Variants in STX8 observed in about 807,000 individuals in gnomAD.
STX8 encodes the protein syntaxin-8.
In STX8, 23 loss-of-function variants were observed where a neutral mutation model predicts 37.5. The observed-to-expected ratio is 0.61, with a 90% confidence interval of 0.44 to 0.87. STX8 has a LOEUF of 0.87. Among genes scored for constraint, STX8 ranks in the 40% least tolerant of loss-of-function variants. The pLI, the probability that STX8 is intolerant of heterozygous loss-of-function variation, is 0.00. For missense variants in STX8, 313 were observed against 284.7 expected (o/e 1.10, Z -0.71); for synonymous variants, 115 against 99.1 (o/e 1.16, Z -0.95).
intron 7 of STX8, among the ~76,000 whole-genome samples, chr17:9,339,651 GAC>G (rs1165763856): frequency 6.6e-6 from 1 of 151,712 alleles, no homozygotes; most frequent in African/African-American, 2.4e-5. Context: ...GACAGAGTGA[GAC>G]ACCATCTAAA....
chr17:9,512,012 TACCTAGG>T (rs1329270905), intron 4 of STX8, among the ~76,000 whole-genome samples: 1 of 152,030 alleles, frequency 6.6e-6, no homozygotes, highest in Non-Finnish European at 1.5e-5. Context: ...CCGCCAAAAT[TACCTAGG>T]AATAAATTTA....
At chr17:9,494,119 C>T (rs935750225) in intron 5 of STX8, among the ~76,000 whole-genome samples, 11 of 151,658 alleles carry the variant, frequency 7.3e-5, no homozygotes, top group African/African-American at 2.7e-4. Context: ...GGGTTCACGC[C>T]ATTCTCCTGC....
rs1052838332 is a variant in STX8, at chr17:9,438,861, G to A, written c.541+52968C>T. 6.0e-4 allele frequency among the ~76,000 whole-genome samples: 92 copies of A among 152,096 alleles called. 1 individual carries two copies. The highest frequency in any genetic ancestry group is 1.9e-3 in the African/African-American group (77 of 41,474). On this transcript the variant is annotated intron_variant, in intron 6 of 7. Coordinates refer to ENST00000306357, the MANE Select transcript of STX8 (RefSeq NM_004853.3). ...GGAGAACAGCATGAACCCGGGAGGC[G>A]GAGCTTGCAGTGAGCTGAGATCACG...
intron 7 of STX8, among the ~76,000 whole-genome samples, chr17:9,320,170 T>TA (rs547942132): frequency 7.6e-4 from 115 of 151,630 alleles, no homozygotes; most frequent in Middle Eastern, 3.4e-3. Flanking sequence ...CCGTCTCTAC[T>TA]AAAAATACAA....
In STX8 at chr17:9,575,795, G is replaced by C. The variant is rs183889024; in HGVS notation, c.14C>G (p.Pro5Arg). Residue 5 changes from proline to arginine, a missense_variant, in exon 1 of 8, where the codon CCC becomes CGC. Physicochemically the swap from Pro to Arg is moderately radical, Grantham distance 103 (BLOSUM62 -2). Coordinates refer to ENST00000306357, the MANE Select transcript of STX8 (RefSeq NM_004853.3). ...GCCGCCCTCACCCGGGACTCACCAG[G>C]GGTCCGGTGCCATCCTGCAGACTCC... MAPD[P>R]WFSTYDSTCQ... The C allele has an allele frequency of 1.0e-5, 16 of 1,543,646 alleles. No individual in the cohort carries two copies. The highest frequency in any genetic ancestry group is 1.4e-5 in the Non-Finnish European group (16 of 1,146,516).
At chr17:9,531,811 C>T (rs1378159377) in intron 4 of STX8, among the ~76,000 whole-genome samples, 3 of 144,076 alleles carry the variant, frequency 2.1e-5, no homozygotes, top group Admixed American at 6.8e-5. Flanking sequence ...CTTATTTCTA[C>T]AGATTTCATG....
intron 7 of STX8, among the ~76,000 whole-genome samples, chr17:9,266,026 A>G (rs1405684147): frequency 6.6e-6 from 1 of 152,150 alleles, no homozygotes; most frequent in Non-Finnish European, 1.5e-5. Context: ...TAAACCAGAC[A>G]TCCTAGAGTG....
intron 6 of STX8, among the ~76,000 whole-genome samples, chr17:9,445,494 G>A (rs60987385): frequency 8.6e-6 from 1 of 116,886 alleles, no homozygotes; most frequent in Non-Finnish European, 1.7e-5. Flanking sequence ...GGCCGGGGAG[G>A]GGGGGATGGT....
intron 6 of STX8, among the ~76,000 whole-genome samples, chr17:9,457,953 C>G (rs1905228625): frequency 6.6e-6 from 1 of 152,164 alleles, no homozygotes; most frequent in Non-Finnish European, 1.5e-5. Flanking sequence ...GTTGGAGAGT[C>G]AGCCATCATA....
At chr17:9,432,320 G>A (rs561046205) in intron 6 of STX8, among the ~76,000 whole-genome samples, 82 of 152,256 alleles carry the variant, frequency 5.4e-4, no homozygotes, top group African/African-American at 1.9e-3. Flanking sequence ...AAGCAGATGT[G>A]CTGGCTAAAT....
At chr17:9,420,151 T>C (rs1913370621) in intron 6 of STX8, among the ~76,000 whole-genome samples, 1 of 152,198 alleles carries the variant, frequency 6.6e-6, no homozygotes, top group African/African-American at 2.4e-5. Context: ...CTTAGATGGG[T>C]AACCCCATGG....
intron 7 of STX8, among the ~76,000 whole-genome samples, chr17:9,346,358 A>G (rs1255758923): frequency 6.6e-6 from 1 of 152,034 alleles, no homozygotes; most frequent in East Asian, 1.9e-4. Flanking sequence ...TCCTTGACTA[A>G]ACCAAATATT....
intron 7 of STX8, among the ~76,000 whole-genome samples, chr17:9,342,850 G>A (rs906235828): frequency 6.6e-6 from 1 of 151,958 alleles, no homozygotes; most frequent in Non-Finnish European, 1.5e-5. Flanking sequence ...GTGAAACCCC[G>A]TCTGTACTAA....
chr17:9,277,710 G>T (rs1456157722), intron 7 of STX8, among the ~76,000 whole-genome samples: 2 of 152,154 alleles, frequency 1.3e-5, no homozygotes. Flanking sequence ...GCTTTCTGAT[G>T]AGGTGATCTG....
At chr17:9,544,467 C>T (rs1174214551) in intron 4 of STX8, among the ~76,000 whole-genome samples, 1 of 151,836 alleles carries the variant, frequency 6.6e-6, no homozygotes, top group Admixed American at 6.6e-5. Context: ...AGCCCCGGAC[C>T]AGTCTTATTA....
At chr17:9,417,300 T>C (rs1913237122) in intron 6 of STX8, among the ~76,000 whole-genome samples, 2 of 152,154 alleles carry the variant, frequency 1.3e-5, no homozygotes, top group Admixed American at 6.5e-5. Flanking sequence ...AAAGCTTTAG[T>C]ATATTTTTTT....
At position 9,494,780 on chromosome 17, in the gene STX8, C is replaced by T. The variant is rs889793956; in HGVS notation, c.449-2859G>A. ...AGGTGAGTTAAACTCAAGTTACTCA[C>T]GATCCTTTCTTTAAAATTTAATATG... On this transcript the variant is annotated intron_variant, in intron 5 of 7. Coordinates refer to ENST00000306357, the MANE Select transcript of STX8 (RefSeq NM_004853.3). Among the ~76,000 whole-genome samples, 18 of 152,118 alleles carry T rather than the reference C, an allele frequency of 1.2e-4. 1 individual carries two copies. The highest frequency in any genetic ancestry group is 8.3e-4 in the South Asian group (4 of 4,808).
chr17:9,557,722 AG>A (rs1450268197), intron 2 of STX8, among the ~76,000 whole-genome samples, 194 bp from the exon 3 acceptor site: 3 of 152,152 alleles, frequency 2.0e-5, no homozygotes, highest in African/African-American at 7.2e-5. Context: ...GCCAACCTAC[AG>A]CTTGTACCCG....
chr17:9,343,018 CAAAAAAAAAAAAA>C (rs4063994), intron 7 of STX8, among the ~76,000 whole-genome samples: 4 of 110,498 alleles, frequency 3.6e-5, no homozygotes, highest in Admixed American at 8.4e-5. Context: ...GAAACTGTCT[CAAAAAAAAAAAAA>C]AAAAAAAAAA....
Sources: allele counts gnomAD v4.1 joint callset (sites outside exome capture counted in the v4.1 genomes callset), GRCh38; gene constraint gnomAD v4.1.1; transcripts MANE v1.5; gene names NCBI Gene and HGNC (gene_info 2026-07-23, HGNC 2026-07-21).